The following LARGE1 variants were observed in gnomAD, a reference collection of about 807,000 sequenced individuals.
LARGE1 encodes the protein LARGE xylosyl- and glucuronyltransferase 1, also known as xylosyl- and glucuronyltransferase LARGE1.
In LARGE1, 43 loss-of-function variants were observed where a neutral mutation model predicts 87.6. The ratio of observed to expected loss-of-function variants is 0.49; its 90% CI spans 0.38 to 0.63. LARGE1 has a LOEUF of 0.63. LARGE1 is among the 30% of genes least tolerant of loss of function. The pLI is 0.00. For missense variants in LARGE1, 802 were observed against 1,000.2 expected, an observed-to-expected ratio of 0.80 and a Z score of 2.67; for synonymous variants, 434 against 394.6, an observed-to-expected ratio of 1.10 and a Z score of -1.18.
At chr22:33,689,086 T>C (rs1026419356) in intron 2 of LARGE1, among the ~76,000 whole-genome samples, 1 of 152,234 alleles carries the variant, frequency 6.6e-6, no homozygotes, top group East Asian at 1.9e-4. Flanking sequence ...TAACCATCTC[T>C]CTTCCTACTA....
chr22:33,322,524 C>A (rs1418807877), intron 10 of LARGE1: 1 of 152,300 alleles, frequency 6.6e-6, no homozygotes, highest in East Asian at 1.9e-4. Flanking sequence ...TTGCTGACTG[C>A]GTGGCTGATG....
At chr22:33,691,275 G>A (rs961572769) in intron 2 of LARGE1, among the ~76,000 whole-genome samples, 1 of 151,956 alleles carries the variant, frequency 6.6e-6, no homozygotes, top group African/African-American at 2.4e-5. Flanking sequence ...GGAGGAGAGA[G>A]GGAGGGAGGG....
intron 1 of LARGE1, among the ~76,000 whole-genome samples, chr22:33,877,202 G>A (rs2064494838): frequency 6.6e-6 from 1 of 152,144 alleles, no homozygotes; most frequent in Admixed American, 6.5e-5. Context: ...CTGAAGAGAA[G>A]GGAAAGAATA....
chr22:33,400,390 T>A (rs1355734154), intron 7 of LARGE1, among the ~76,000 whole-genome samples: 1 of 152,116 alleles, frequency 6.6e-6, no homozygotes, highest in African/African-American at 2.4e-5. Flanking sequence ...TGCAGAGCCA[T>A]CTGGGGGAGG....
At chr22:33,177,352 T>C (rs1376870685) in intron 11 of LARGE1, among the ~76,000 whole-genome samples, 1 of 152,126 alleles carries the variant, frequency 6.6e-6, no homozygotes. Context: ...CCTTATTAAA[T>C]AAAACAATAG....
intron 6 of LARGE1, among the ~76,000 whole-genome samples, chr22:33,442,664 C>T (rs2067520394): frequency 6.6e-6 from 1 of 152,136 alleles, no homozygotes; most frequent in Non-Finnish European, 1.5e-5. Flanking sequence ...TCAAGAACAT[C>T]CCCATACTTG....
chr22:33,392,456 C>T (rs912237317), intron 7 of LARGE1, among the ~76,000 whole-genome samples: 1 of 152,044 alleles, frequency 6.6e-6, no homozygotes, highest in Admixed American at 6.5e-5. Flanking sequence ...GTCAGGAGTT[C>T]GAGACCAGCC....
intron 12 of LARGE1, among the ~76,000 whole-genome samples, chr22:33,303,174 C>A (rs1242809759): frequency 1.3e-5 from 2 of 152,216 alleles, no homozygotes; most frequent in African/African-American, 4.8e-5. Context: ...ACACAGCCAT[C>A]TAAGCCTTCC....
chr22:33,139,845 C>G, the LARGE1 span, among the ~76,000 whole-genome samples: 1 of 152,198 alleles, frequency 6.6e-6, no homozygotes, highest in Non-Finnish European at 1.5e-5. Flanking sequence ...AAAGAAATGA[C>G]CTTTGTTTGT....
At chr22:33,754,812 C>T (rs1277318909) in intron 2 of LARGE1, among the ~76,000 whole-genome samples, 1 of 152,178 alleles carries the variant, frequency 6.6e-6, no homozygotes, top group Non-Finnish European at 1.5e-5. Context: ...GCTGCATAGC[C>T]TAGACTTGGG....
At chr22:33,913,666 C>G (rs2065701621) in intron 1 of LARGE1, among the ~76,000 whole-genome samples, 1 of 152,140 alleles carries the variant, frequency 6.6e-6, no homozygotes, top group Non-Finnish European at 1.5e-5. Flanking sequence ...ACCTCAGCCT[C>G]CCGAGTAGCT....
At chr22:33,456,514 C>A (rs1413188682) in intron 6 of LARGE1, among the ~76,000 whole-genome samples, 2 of 152,204 alleles carry the variant, frequency 1.3e-5, no homozygotes, top group East Asian at 3.8e-4. Flanking sequence ...GGCTAAACAT[C>A]TTGTAAAGTC....
intron 6 of LARGE1, among the ~76,000 whole-genome samples, chr22:33,527,637 C>T (rs1348120148): frequency 6.6e-6 from 1 of 152,050 alleles, no homozygotes; most frequent in Non-Finnish European, 1.5e-5. Context: ...GGTTCTCTGG[C>T]TCCTCTACAC....
intron 6 of LARGE1, among the ~76,000 whole-genome samples, chr22:33,461,271 G>A (rs2068372492): frequency 6.6e-6 from 1 of 152,194 alleles, no homozygotes; most frequent in Non-Finnish European, 1.5e-5. Context: ...CTGGGCCACA[G>A]AGTGAGACCC....
chr22:33,303,842 C>T lies in LARGE1; in HGVS notation c.1730+387G>A, dbSNP rs186483700. ...GTTTCACCATGTTGGCCAGGATGGT[C>T]TCGAACTCCTGACCTCGTGATCCAC... On this transcript the variant is annotated intron_variant, in intron 12 of 14. Transcript: ENST00000397394. Among the ~76,000 whole-genome samples the T allele has an allele frequency of 2.5e-4, 38 of 151,806 alleles. 1 individual carries two copies. The East Asian group carries it at 7.4e-3, about 29-fold the overall frequency.
chr22:33,412,144 C>T (rs912803865), intron 7 of LARGE1, among the ~76,000 whole-genome samples: 1 of 151,982 alleles, frequency 6.6e-6, no homozygotes, highest in Non-Finnish European at 1.5e-5. Flanking sequence ...ATTAGCCAGG[C>T]GTGGTGGCAC....
intron 6 of LARGE1, among the ~76,000 whole-genome samples, chr22:33,554,866 T>C (rs1422939771): frequency 6.6e-6 from 1 of 152,214 alleles, no homozygotes; most frequent in African/African-American, 2.4e-5. Flanking sequence ...CTTGTTCATT[T>C]GACAAATAGT....
chr22:33,253,538 C>T (rs181009449), intron 11 of LARGE1, among the ~76,000 whole-genome samples: 4 of 152,156 alleles, frequency 2.6e-5, no homozygotes, highest in African/African-American at 9.7e-5. Context: ...ATGGTGAAAC[C>T]CTGTCTCTAC....
chr22:33,868,266 C>T (rs1031281015), intron 1 of LARGE1, among the ~76,000 whole-genome samples: 5 of 152,136 alleles, frequency 3.3e-5, no homozygotes, highest in African/African-American at 9.7e-5. Context: ...CCGGCCTCGT[C>T]GGAAGCAGAA....
Sources: allele counts gnomAD v4.1 joint callset (sites outside exome capture counted in the v4.1 genomes callset), GRCh38; gene constraint gnomAD v4.1.1; transcripts MANE v1.5; gene names NCBI Gene and HGNC (gene_info 2026-07-23, HGNC 2026-07-21).